The following ELMO1 variants were observed in gnomAD, a reference collection of about 807,000 sequenced individuals.
ELMO1 encodes engulfment and cell motility protein 1.
A neutral mutation model predicts 98.9 loss-of-function variants in ELMO1; 26 were observed. The ratio of observed to expected loss-of-function variants is 0.26; its 90% CI spans 0.19 to 0.36. The LOEUF (loss-of-function observed/expected upper bound fraction) is 0.36, where lower values mean the gene tolerates loss of function less well. Among genes scored for constraint, ELMO1 ranks in the 10% least tolerant of loss-of-function variants. The pLI is 1.00. For missense variants in ELMO1, 627 were observed against 935.2 expected (o/e 0.67, Z 4.30); for synonymous variants, 346 against 346.0 (o/e 1.00, Z 0.00).
chr7:37,199,198 T>C (rs1792145852), intron 13 of ELMO1, among the ~76,000 whole-genome samples: 1 of 152,200 alleles, frequency 6.6e-6, no homozygotes, highest in Non-Finnish European at 1.5e-5. Flanking sequence ...CCTGAGAAAT[T>C]GTGTCTGGAG....
At chr7:37,256,703 G>A (rs1209857948) in intron 6 of ELMO1, among the ~76,000 whole-genome samples, 2 of 135,718 alleles carry the variant, frequency 1.5e-5, no homozygotes, top group East Asian at 4.5e-4. Flanking sequence ...AAGAAAGGAA[G>A]GAAGAAAGGG....
At chr7:37,292,807 G>A (rs1455949577) in intron 4 of ELMO1, among the ~76,000 whole-genome samples, 6 of 103,280 alleles carry the variant, frequency 5.8e-5, no homozygotes, top group Admixed American at 9.0e-5. Flanking sequence ...TCAGCCCCCC[G>A]CCCGGCCAGC....
Position 37,236,782 on chromosome 7 carries a change from C to T in ELMO1, c.450-3588G>A, listed in dbSNP as rs558887465. Among the ~76,000 whole-genome samples, 121 of 152,224 alleles carry T rather than the reference C, an allele frequency of 7.9e-4. 1 individual carries two copies. The highest frequency in any genetic ancestry group is 2.7e-3 in the African/African-American group (112 of 41,538). On this transcript the variant is annotated intron_variant, in intron 7 of 21. Transcript: ENST00000310758. ...CATTCCAAATCAAGGGATTCAATCA[C>T]CTCTTTCAAGTGAGATGGCTATAAA...
intron 18 of ELMO1, 98 bp from the exon 19 acceptor site, chr7:36,878,215 A>G (rs1192224040): frequency 1.1e-6 from 1 of 872,764 alleles, no homozygotes; most frequent in Admixed American, 2.3e-5. Flanking sequence ...GGAAACAAGC[A>G]GTTCATTTGA....
intron 16 of ELMO1, among the ~76,000 whole-genome samples, chr7:36,999,136 C>T (rs1792444339): frequency 6.6e-6 from 1 of 151,998 alleles, no homozygotes; most frequent in Non-Finnish European, 1.5e-5. Flanking sequence ...GTGGTGAGTG[C>T]AGGATAGGAG....
intron 15 of ELMO1, among the ~76,000 whole-genome samples, chr7:37,038,606 T>A (rs1225137055): frequency 1.3e-5 from 2 of 152,256 alleles, no homozygotes; most frequent in Non-Finnish European, 2.9e-5. Flanking sequence ...TGAAAAGGTA[T>A]GACAAGCTTC....
At position 37,059,827 on chromosome 7, in the gene ELMO1, C is replaced by T. The variant is rs552674187; in HGVS notation, c.1300+36792G>A. On this transcript the variant is annotated intron_variant, in intron 15 of 21. Coordinates refer to ENST00000310758, the MANE Select transcript of ELMO1 (RefSeq NM_014800.11). The stretch of plus-strand genomic sequence containing the variant: ...AGATCCCAATGGCTCCAAATTACCA[C>T]TCAGAGCTGGAAATGTGAAAAGCGA... Among the ~76,000 whole-genome samples, 7 of 152,308 alleles carry T rather than the reference C, an allele frequency of 4.6e-5. No homozygotes were observed. The East Asian group carries it at 1.3e-3, about 29-fold the overall frequency.
intron 6 of ELMO1, among the ~76,000 whole-genome samples, chr7:37,251,864 A>G (rs888490162): frequency 2.0e-5 from 3 of 152,240 alleles, no homozygotes; most frequent in Non-Finnish European, 4.4e-5. Context: ...CCCTAAGCTG[A>G]TAAGCAACTT....
intron 18 of ELMO1, among the ~76,000 whole-genome samples, chr7:36,878,592 C>T (rs1413959128): frequency 1.3e-5 from 2 of 152,184 alleles, no homozygotes; most frequent in Non-Finnish European, 2.9e-5. Context: ...AAACCCCTAC[C>T]CTAGGCTACC....
At chr7:36,921,344 CT>C (rs1327619073) in intron 16 of ELMO1, among the ~76,000 whole-genome samples, 1 of 152,190 alleles carries the variant, frequency 6.6e-6, no homozygotes, top group African/African-American at 2.4e-5. Context: ...TACTAGCTAG[CT>C]GATACAGGCA....
chr7:37,278,225 T>C (rs1796956815), intron 4 of ELMO1, among the ~76,000 whole-genome samples: 2 of 148,376 alleles, frequency 1.3e-5, no homozygotes, highest in Admixed American at 1.4e-4. Context: ...CGAATACTAA[T>C]CTAGATGTTG....
chr7:37,167,353 T>C (rs964980791), intron 13 of ELMO1, among the ~76,000 whole-genome samples: 6 of 152,080 alleles, frequency 3.9e-5, no homozygotes, highest in African/African-American at 1.5e-4. Context: ...AAGTTAATAG[T>C]GTTATGTGTG....
At chr7:37,148,227 G>A (rs1788126944) in intron 13 of ELMO1, among the ~76,000 whole-genome samples, 1 of 152,182 alleles carries the variant, frequency 6.6e-6, no homozygotes, top group Non-Finnish European at 1.5e-5. Context: ...AACAAAAATA[G>A]TACCTGCCTT....
chr7:36,899,422 G>T (rs988722308), intron 16 of ELMO1, among the ~76,000 whole-genome samples: 2 of 152,108 alleles, frequency 1.3e-5, no homozygotes, highest in African/African-American at 4.8e-5. Flanking sequence ...GAAGAAGAGG[G>T]AGAAGGGAAT....
chr7:37,316,940 T>A (rs1395952693), intron 2 of ELMO1, among the ~76,000 whole-genome samples: 2 of 152,030 alleles, frequency 1.3e-5, no homozygotes, highest in African/African-American at 4.8e-5. Flanking sequence ...TCCAGCTCTA[T>A]CAGCTTGTTT....
intron 2 of ELMO1, among the ~76,000 whole-genome samples, chr7:37,328,456 A>C (rs879675423): frequency 2.7e-5 from 4 of 150,522 alleles, no homozygotes; most frequent in Non-Finnish European, 5.9e-5. Flanking sequence ...GAAGAGAGTC[A>C]GAATTTGAAC....
chr7:37,091,085 C>T (rs1407815576), intron 15 of ELMO1, among the ~76,000 whole-genome samples: 2 of 152,164 alleles, frequency 1.3e-5, no homozygotes, highest in Non-Finnish European at 2.9e-5. Flanking sequence ...TCCTGGCACT[C>T]ATCAACAATG....
intron 13 of ELMO1, among the ~76,000 whole-genome samples, chr7:37,192,945 A>T (rs1791704486): frequency 7.0e-6 from 1 of 142,176 alleles, no homozygotes; most frequent in Non-Finnish European, 1.5e-5. Context: ...ATATAGATAC[A>T]TATATATTTT....
At chr7:37,434,654 T>C (rs1805071940) in intron 1 of ELMO1, among the ~76,000 whole-genome samples, 1 of 152,212 alleles carries the variant, frequency 6.6e-6, no homozygotes, top group Non-Finnish European at 1.5e-5. Flanking sequence ...TTTGCCCTTT[T>C]GATAAAAGCT....
Sources: allele counts gnomAD v4.1 joint callset (sites outside exome capture counted in the v4.1 genomes callset), GRCh38; gene constraint gnomAD v4.1.1; transcripts MANE v1.5; gene names NCBI Gene and HGNC (gene_info 2026-07-23, HGNC 2026-07-21).